UCHL3: variants seen among roughly 807,000 people sequenced by gnomAD.
UCHL3 encodes the protein ubiquitin carboxyl-terminal hydrolase isozyme L3.
Under a neutral mutation model 35.8 loss-of-function variants are expected in UCHL3, and 22 were observed. That is an observed-to-expected ratio of 0.61 (90% CI 0.44 to 0.88). The LOEUF (loss-of-function observed/expected upper bound fraction) is 0.88, where lower values mean the gene tolerates loss of function less well. Among genes scored for constraint, UCHL3 ranks in the 40% least tolerant of loss-of-function variants. UCHL3 has a pLI of 0.00. For missense variants in UCHL3, 229 were observed against 276.9 expected, an observed-to-expected ratio of 0.83 and a Z score of 1.23; for synonymous variants, 90 against 92.8, an observed-to-expected ratio of 0.97 and a Z score of 0.17.
intron 7 of UCHL3, among the ~76,000 whole-genome samples, chr13:75,600,249 G>A (rs1431507622): frequency 2.6e-5 from 4 of 152,220 alleles, no homozygotes; most frequent in Non-Finnish European, 5.9e-5. Context: ...TGATGGAGAA[G>A]CTGCAAGTTA....
At chr13:75,549,558 C>T (rs558827747), upstream of UCHL3, 2 of 454,750 alleles carry the variant, frequency 4.4e-6, no homozygotes, top group South Asian at 1.0e-4. Flanking sequence ...GCTGTGGATT[C>T]AGATACTGTT....
At chr13:75,603,757 A>T (rs965604072) in intron 7 of UCHL3, among the ~76,000 whole-genome samples, 3 of 152,100 alleles carry the variant, frequency 2.0e-5, no homozygotes, top group African/African-American at 7.2e-5. Context: ...TCATAGAAAT[A>T]TGGATAATTA....
At chr13:75,589,895 G>A (rs768531007) in intron 6 of UCHL3, 2 of 1,267,342 alleles carry the variant, frequency 1.6e-6, no homozygotes, top group Non-Finnish European at 2.1e-6. Flanking sequence ...TGATCACCCA[G>A]TAACGTGGTC....
intron 6 of UCHL3, among the ~76,000 whole-genome samples, chr13:75,572,648 T>G (rs2031897424): frequency 6.6e-6 from 1 of 152,192 alleles, no homozygotes; most frequent in African/African-American, 2.4e-5. Flanking sequence ...GAACTGTCCT[T>G]GGTAGTGTAA....
intron 6 of UCHL3, among the ~76,000 whole-genome samples, chr13:75,586,913 A>AAAAC (rs1411389899): frequency 6.6e-6 from 1 of 151,834 alleles, no homozygotes; most frequent in Admixed American, 6.6e-5. Context: ...ATAGTAGAAA[A>AAAAC]AAACAAACAA....
chr13:75,598,653 C>A (rs961312559), intron 7 of UCHL3, among the ~76,000 whole-genome samples: 6 of 152,192 alleles, frequency 3.9e-5, no homozygotes, highest in African/African-American at 1.4e-4. Context: ...GGAATAACTG[C>A]AGAAATAATG....
In UCHL3 at chr13:75,605,868, C is replaced by A; in HGVS notation, c.*56C>A. The A allele has an allele frequency of 6.5e-7, 1 of 1,534,050 alleles. No individual in the cohort carries two copies. Among genetic ancestry groups the A allele is most frequent in the Non-Finnish European group, 9.0e-7 (1 of 1,116,468 alleles). ...ATTATTTGCAACTAAATTTTCTCTG[C>A]CATACACTAACTCAAAAATTTTGAT... On this transcript the variant is annotated 3_prime_UTR_variant, in exon 9 of 9. Coordinates refer to ENST00000377595, the MANE Select transcript of UCHL3 (RefSeq NM_006002.5).
At chr13:75,593,922 T>G (rs1022184605) in intron 6 of UCHL3, among the ~76,000 whole-genome samples, 1 of 152,210 alleles carries the variant, frequency 6.6e-6, no homozygotes, top group African/African-American at 2.4e-5. Context: ...TAAGATACTA[T>G]CTGTTACTGA....
intron 2 of UCHL3, among the ~76,000 whole-genome samples, chr13:75,559,961 A>C (rs1376662485): frequency 6.6e-6 from 1 of 152,166 alleles, no homozygotes; most frequent in Non-Finnish European, 1.5e-5. Flanking sequence ...TTTTCCTGTG[A>C]CATCTTAAGA....
At chr13:75,582,428 G>C (rs2032213054) in intron 6 of UCHL3, among the ~76,000 whole-genome samples, 1 of 152,110 alleles carries the variant, frequency 6.6e-6, no homozygotes, top group Non-Finnish European at 1.5e-5. Flanking sequence ...TTATACTGTT[G>C]CAGTGCCCAC....
At chr13:75,576,499 C>T (rs1003696544) in intron 6 of UCHL3, among the ~76,000 whole-genome samples, 6 of 151,772 alleles carry the variant, frequency 4.0e-5, no homozygotes, top group African/African-American at 7.3e-5. Context: ...GGACTACAGG[C>T]GCGTGCCACC....
intron 5 of UCHL3, 57 bp downstream of exon 5, chr13:75,567,369 A>T: frequency 6.7e-7 from 1 of 1,487,298 alleles, no homozygotes; most frequent in Non-Finnish European, 9.4e-7. Flanking sequence ...GGGATTGTAG[A>T]TGTGTTTGGG....
rs527822751 is a variant in UCHL3, at chr13:75,590,536, T to A, written c.475-4379T>A. 7.2e-5 allele frequency among the ~76,000 whole-genome samples: 11 copies of A among 152,222 alleles called. No individual in the cohort carries two copies. In the East Asian group the frequency reaches 9.7e-4, roughly 13 times the overall value. On this transcript the variant is annotated intron_variant, in intron 6 of 8. Transcript: ENST00000377595. ...GCCATCTATTACTTTATTATTATTA[T>A]TTTTTTATGTTTCTGAGCATGACTT...
chr13:75,592,450 A>ACATATATATATATGTATATATG (rs1228010748), intron 6 of UCHL3, among the ~76,000 whole-genome samples: 1 of 119,012 alleles, frequency 8.4e-6, no homozygotes, highest in Non-Finnish European at 1.8e-5. Flanking sequence ...ATATATATAT[A>ACATATATATATATGTATATATG]TATATATATA....
At position 75,560,882 on chromosome 13, in the gene UCHL3, G is replaced by C; in HGVS notation, c.183+1G>C. ...ACTTCTCTTTCCTATTACAGAAAAG[G>C]TAATTGTTATGTAAAATAGAAAGTT... On this transcript the variant is annotated splice_donor_variant, in intron 3 of 8. Transcript: ENST00000377595. LOFTEE classifies it high-confidence loss of function. The C allele has an allele frequency of 6.6e-7, 1 of 1,506,202 alleles. No homozygotes were observed. The highest frequency in any genetic ancestry group is 8.8e-7 in the Non-Finnish European group (1 of 1,135,082). The allele number at this position is 1,506,202 out of a possible 1,614,324, so 93.3% of individuals were successfully genotyped here. A position where few individuals can be genotyped will look rare whatever the true frequency, so the allele number is the denominator to read the frequency against.
chr13:75,549,543 A>C, upstream of UCHL3: 7 of 425,470 alleles, frequency 1.6e-5, no homozygotes, highest in Admixed American at 4.2e-5. Flanking sequence ...GCGTGAGGGG[A>C]GAGGGCTGTG....
chr13:75,565,981 A>G (rs1172221012), intron 3 of UCHL3, among the ~76,000 whole-genome samples: 1 of 152,192 alleles, frequency 6.6e-6, no homozygotes, highest in Admixed American at 6.5e-5. Context: ...ACAACCAGTT[A>G]TTATAGATAA....
At chr13:75,554,124 C>CAA (rs1480180052) in intron 2 of UCHL3, among the ~76,000 whole-genome samples, 1 of 152,118 alleles carries the variant, frequency 6.6e-6, no homozygotes, top group Non-Finnish European at 1.5e-5. Flanking sequence ...TACAGTGGCA[C>CAA]AATCATAGCT....
chr13:75,601,352 A>G (rs1388567711), intron 7 of UCHL3, among the ~76,000 whole-genome samples: 4 of 152,234 alleles, frequency 2.6e-5, no homozygotes, highest in Non-Finnish European at 5.9e-5. Context: ...CATGCTACAG[A>G]GAAATCTTTC....
Sources: allele counts gnomAD v4.1 joint callset (sites outside exome capture counted in the v4.1 genomes callset), GRCh38; gene constraint gnomAD v4.1.1; transcripts MANE v1.5; gene names NCBI Gene and HGNC (gene_info 2026-07-23, HGNC 2026-07-21).